The following CAMTA1 variants were observed in gnomAD, a reference collection of about 807,000 sequenced individuals.
The protein encoded by CAMTA1 is calmodulin-binding transcription activator 1.
In CAMTA1, 27 loss-of-function variants were observed where a neutral mutation model predicts 170.9. The observed-to-expected ratio is 0.16, with a 90% CI of 0.12 to 0.22. The LOEUF is 0.22. Ranked by LOEUF, CAMTA1 falls within the 10% of genes least tolerant of loss-of-function variation. The pLI is 1.00. For synonymous variants in CAMTA1, 833 were observed against 891.5 expected, an observed-to-expected ratio of 0.93 and a Z score of 1.17; for missense variants, 1,619 against 2,217.2, an observed-to-expected ratio of 0.73 and a Z score of 5.42.
chr1:7,730,538 T>C (rs1045350284), intron 11 of CAMTA1, among the ~76,000 whole-genome samples: 2 of 152,224 alleles, frequency 1.3e-5, no homozygotes, highest in African/African-American at 4.8e-5. Context: ...AAGGCCTGCC[T>C]GTGCTAGAGT....
intron 5 of CAMTA1, among the ~76,000 whole-genome samples, chr1:7,285,340 G>A (rs142415593): frequency 2.0e-5 from 3 of 152,288 alleles, no homozygotes; most frequent in Admixed American, 6.5e-5. Flanking sequence ...TCTGGGACTC[G>A]CACTGCATTT....
chr1:7,613,759 G>A (rs1338050393), intron 6 of CAMTA1, among the ~76,000 whole-genome samples: 12 of 150,064 alleles, frequency 8.0e-5, no homozygotes, highest in Admixed American at 6.6e-4. Flanking sequence ...GGAGTAGGGG[G>A]AGCAGGCGGG....
At chr1:7,120,845 C>T (rs911496848) in intron 4 of CAMTA1, among the ~76,000 whole-genome samples, 4 of 152,218 alleles carry the variant, frequency 2.6e-5, no homozygotes, top group African/African-American at 7.2e-5. Context: ...TTGTCTGCTA[C>T]ATCTCTGATG....
intron 3 of CAMTA1, among the ~76,000 whole-genome samples, chr1:6,845,919 T>C (rs1053319593): frequency 6.6e-6 from 1 of 152,220 alleles, no homozygotes; most frequent in Non-Finnish European, 1.5e-5. Flanking sequence ...CAATTCCACA[T>C]GGCTGGGGAG....
chr1:7,657,633 A>G (rs969999126), intron 7 of CAMTA1, among the ~76,000 whole-genome samples: 3 of 152,112 alleles, frequency 2.0e-5, no homozygotes, highest in Admixed American at 1.3e-4. Context: ...CTTTTTCCCT[A>G]TAGAAATCTC....
At chr1:7,752,406 A>G (rs1025867732) in intron 20 of CAMTA1, 53 bp from the exon 21 acceptor site, 22 of 1,508,934 alleles carry the variant, frequency 1.5e-5, no homozygotes, top group Admixed American at 5.0e-5. Context: ...CCAGTTTTCC[A>G]TATTGGGCTT....
rs1706152053 is a variant in CAMTA1 at position 7,050,472 on chromosome 1, T to C, written c.235-40832T>C. ...ACCGGGTGTGGGTTCAGATGAAGACTCTCAAACAGGCCTTGGCTGCATCAA... is the reference window on the plus strand; with the variant it reads ...ACCGGGTGTGGGTTCAGATGAAGACCCTCAAACAGGCCTTGGCTGCATCAA... On this transcript the variant is annotated intron_variant, in intron 3 of 22. Coordinates refer to ENST00000303635, the MANE Select transcript of CAMTA1 (RefSeq NM_015215.4). The surrounding 1 kb of genome is among the most constrained non-coding windows in gnomAD (Gnocchi z 4.8). Among the ~76,000 whole-genome samples, 1 of 152,108 alleles carries C rather than the reference T, an allele frequency of 6.6e-6. No homozygotes were observed. The highest frequency in any genetic ancestry group is 2.4e-5 in the African/African-American group (1 of 41,412).
Position 7,332,047 on chromosome 1 carries a change from G to A in CAMTA1, c.438+82421G>A, listed in dbSNP as rs139965963. Among the ~76,000 whole-genome samples, 42 of 152,256 alleles carry A rather than the reference G, an allele frequency of 2.8e-4. 1 individual carries two copies. Among genetic ancestry groups the A allele is most frequent in the South Asian group, 2.1e-3 (10 of 4,824 alleles). ...CCTGTAACTCCATCCTTATTACACG[G>A]TTCCAGGGAGACTCTGGGATCATGC... On this transcript the variant is annotated intron_variant, in intron 5 of 22. Transcript: ENST00000303635.
At chr1:7,612,998 T>C (rs1373040067) in intron 6 of CAMTA1, among the ~76,000 whole-genome samples, 2 of 152,166 alleles carry the variant, frequency 1.3e-5, no homozygotes, top group African/African-American at 4.8e-5. Flanking sequence ...TCATGAACCT[T>C]TCCATGTGCA....
At chr1:6,929,260 A>G (rs1426688693) in intron 3 of CAMTA1, among the ~76,000 whole-genome samples, 1 of 151,994 alleles carries the variant, frequency 6.6e-6, no homozygotes, top group Non-Finnish European at 1.5e-5. Context: ...GCTCACTGCA[A>G]CCTCCGCCTC....
intron 3 of CAMTA1, among the ~76,000 whole-genome samples, chr1:7,042,889 A>C (rs1043238961): frequency 6.6e-6 from 1 of 152,196 alleles, no homozygotes; most frequent in Non-Finnish European, 1.5e-5. Context: ...GCAATATCTG[A>C]TTCTTGACCA....
intron 11 of CAMTA1, among the ~76,000 whole-genome samples, chr1:7,697,277 T>A (rs1003293084): frequency 8.8e-6 from 1 of 113,566 alleles, no homozygotes; most frequent in Non-Finnish European, 1.8e-5. Context: ...CACCAGGCCC[T>A]GGGCTATCTA....
intron 11 of CAMTA1, among the ~76,000 whole-genome samples, chr1:7,683,535 G>A (rs1443889089): frequency 1.3e-5 from 2 of 151,496 alleles, no homozygotes; most frequent in Non-Finnish European, 2.9e-5. Flanking sequence ...AAGAAAGGAC[G>A]CCCACCCCAC....
At chr1:6,833,974 A>G (rs561092879) in intron 3 of CAMTA1, among the ~76,000 whole-genome samples, 2 of 152,034 alleles carry the variant, frequency 1.3e-5, no homozygotes, top group Admixed American at 6.5e-5. Context: ...CTCTGCCGCT[A>G]CTCAGCTGAG....
chr1:7,410,022 C>T (rs890231950), intron 5 of CAMTA1, among the ~76,000 whole-genome samples: 3 of 152,220 alleles, frequency 2.0e-5, no homozygotes, highest in South Asian at 4.2e-4. Context: ...CAGACAGCTT[C>T]GAAGGGAATG....
At chr1:7,210,242 G>A (rs1010914771) in intron 4 of CAMTA1, among the ~76,000 whole-genome samples, 2 of 152,108 alleles carry the variant, frequency 1.3e-5, no homozygotes, top group African/African-American at 2.4e-5. Flanking sequence ...CTCTGTAATC[G>A]CCATCAATCA....
chr1:7,556,268 G>T (rs1055448567), intron 6 of CAMTA1, among the ~76,000 whole-genome samples: 1 of 152,160 alleles, frequency 6.6e-6, no homozygotes, highest in Non-Finnish European at 1.5e-5. Context: ...AGGTTGTGGG[G>T]TATGGGCTCT....
intron 3 of CAMTA1, among the ~76,000 whole-genome samples, chr1:6,836,692 G>T (rs1244224480): frequency 6.6e-6 from 1 of 152,152 alleles, no homozygotes; most frequent in Non-Finnish European, 1.5e-5. Flanking sequence ...GCTTCATTTG[G>T]CCCTGAGTTC....
chr1:7,369,769 A>C (rs1230335612), intron 5 of CAMTA1, among the ~76,000 whole-genome samples: 1 of 152,024 alleles, frequency 6.6e-6, no homozygotes, highest in Admixed American at 6.5e-5. Context: ...TGGGACCCCA[A>C]ACACACCCCC....
Sources: allele counts gnomAD v4.1 joint callset (sites outside exome capture counted in the v4.1 genomes callset), GRCh38; gene constraint gnomAD v4.1.1; non-coding constraint Gnocchi (gnomAD v3.1); transcripts MANE v1.5; gene names NCBI Gene and HGNC (gene_info 2026-07-23, HGNC 2026-07-21).